The following PTPRT variants were observed in gnomAD, a reference collection of about 807,000 sequenced individuals.
PTPRT encodes the protein protein tyrosine phosphatase receptor type T.
In PTPRT, 56 loss-of-function variants were observed where a neutral mutation model predicts 176.8. The ratio of observed to expected loss-of-function variants is 0.32; its 90% confidence interval spans 0.26 to 0.40. The LOEUF (loss-of-function observed/expected upper bound fraction) is 0.40. Among genes scored for constraint, PTPRT ranks in the 10% least tolerant of loss-of-function variants. The pLI is 1.00. For synonymous variants in PTPRT, 783 were observed against 739.0 expected (o/e 1.06, Z -0.96); for missense variants, 1,540 against 1,908.2 (o/e 0.81, Z 3.60).
chr20:43,166,981 T>C (rs1262325653), intron 1 of PTPRT, among the ~76,000 whole-genome samples: 1 of 152,192 alleles, frequency 6.6e-6, no homozygotes. Context: ...GTCAAGAGCC[T>C]GACTTGACCT....
chr20:42,413,398 T>C (rs2059035291), intron 9 of PTPRT, among the ~76,000 whole-genome samples: 1 of 152,178 alleles, frequency 6.6e-6, no homozygotes, highest in South Asian at 2.1e-4. Flanking sequence ...GAAATGGTAC[T>C]AGGACATAAA....
chr20:42,242,511 T>C (rs922225749), intron 14 of PTPRT, among the ~76,000 whole-genome samples: 2 of 152,196 alleles, frequency 1.3e-5, no homozygotes, highest in East Asian at 1.9e-4. Flanking sequence ...GAAGAGATTC[T>C]GTCCAGATCA....
chr20:42,407,447 A>G (rs1224344986), intron 9 of PTPRT, among the ~76,000 whole-genome samples: 1 of 152,234 alleles, frequency 6.6e-6, no homozygotes, highest in African/African-American at 2.4e-5. Context: ...ATGCCAGGAT[A>G]CATTTGATAA....
intron 11 of PTPRT, among the ~76,000 whole-genome samples, chr20:42,340,717 G>C (rs1437148705): frequency 6.6e-6 from 1 of 152,200 alleles, no homozygotes; most frequent in Non-Finnish European, 1.5e-5. Flanking sequence ...TTGAAAGTCT[G>C]ACCTTTGGGC....
At chr20:42,682,158 G>A (rs138762019) in intron 6 of PTPRT, among the ~76,000 whole-genome samples, 93 of 152,210 alleles carry the variant, frequency 6.1e-4, no homozygotes, top group Non-Finnish European at 1.0e-3. Flanking sequence ...CCTGAAAGAA[G>A]GCATAAGAAA....
At chr20:42,540,196 T>A (rs2072553078) in intron 7 of PTPRT, among the ~76,000 whole-genome samples, 1 of 152,166 alleles carries the variant, frequency 6.6e-6, no homozygotes, top group South Asian at 2.1e-4. Flanking sequence ...TCAGAATGGC[T>A]TTAGCTTTCT....
chr20:42,518,432 T>G (rs187745159), intron 7 of PTPRT, among the ~76,000 whole-genome samples: 14 of 152,256 alleles, frequency 9.2e-5, no homozygotes, highest in African/African-American at 2.9e-4. Flanking sequence ...AAGATTTTAC[T>G]GTCTGGATTT....
intron 17 of PTPRT, among the ~76,000 whole-genome samples, chr20:42,146,165 C>A (rs146713617): frequency 6.6e-6 from 1 of 152,200 alleles, no homozygotes; most frequent in Non-Finnish European, 1.5e-5. Context: ...CCAGGTAACT[C>A]CATCTCCTCC....
intron 1 of PTPRT, among the ~76,000 whole-genome samples, chr20:43,011,813 C>T (rs923715933): frequency 9.9e-5 from 15 of 152,166 alleles, no homozygotes; most frequent in African/African-American, 1.7e-4. Flanking sequence ...ACCCTCAATC[C>T]GGGTGGGCAC....
rs565428512 is a variant in PTPRT at position 42,701,934 on chromosome 20, A to T, written c.860-23775T>A. Among the ~76,000 whole-genome samples, 9 of 152,236 alleles carry T rather than the reference A, an allele frequency of 5.9e-5. No individual in the cohort carries two copies. The South Asian group carries it at 1.2e-3, about 21-fold the overall frequency. On this transcript the variant is annotated intron_variant, in intron 6 of 30. Transcript: ENST00000373187. The stretch of plus-strand genomic sequence containing the variant: ...GATACGAGCACTGAGATTCAGAGAG[A>T]TATACGCAAGGCCATAGAGGTATCA...
intron 7 of PTPRT, among the ~76,000 whole-genome samples, chr20:42,474,163 C>G (rs2071246831): frequency 6.6e-6 from 1 of 152,078 alleles, no homozygotes; most frequent in Non-Finnish European, 1.5e-5. Context: ...GCTGTGTCTA[C>G]CTTGAATGCC....
intron 13 of PTPRT, among the ~76,000 whole-genome samples, chr20:42,262,445 C>T (rs570106032): frequency 7.2e-5 from 11 of 152,308 alleles, no homozygotes; most frequent in African/African-American, 2.4e-4. Context: ...CTCAGCAAGA[C>T]CAGCTCCAGC....
chr20:42,220,602 TA>T (rs1419520580), intron 15 of PTPRT, among the ~76,000 whole-genome samples: 2 of 152,120 alleles, frequency 1.3e-5, no homozygotes, highest in Non-Finnish European at 2.9e-5. Flanking sequence ...AAAAAGCCTC[TA>T]AACCGCACAT....
chr20:43,104,095 A>T (rs940738844), intron 1 of PTPRT, among the ~76,000 whole-genome samples: 2 of 152,216 alleles, frequency 1.3e-5, no homozygotes, highest in Non-Finnish European at 2.9e-5. Flanking sequence ...AAGAAAGATG[A>T]TCATTACTTC....
chr20:42,835,593 C>T (rs973407187), intron 2 of PTPRT, among the ~76,000 whole-genome samples: 13 of 152,112 alleles, frequency 8.5e-5, no homozygotes, highest in African/African-American at 2.9e-4. Context: ...TCACTCAAGG[C>T]TTTGTAGCAT....
intron 26 of PTPRT, among the ~76,000 whole-genome samples, chr20:42,100,410 G>A (rs982263737): frequency 6.6e-6 from 1 of 152,228 alleles, no homozygotes; most frequent in African/African-American, 2.4e-5. Flanking sequence ...ATAATGCACT[G>A]ACTGGGCTGG....
At chr20:43,145,527 A>G (rs1371972067) in intron 1 of PTPRT, among the ~76,000 whole-genome samples, 2 of 152,200 alleles carry the variant, frequency 1.3e-5, no homozygotes, top group Non-Finnish European at 2.9e-5. Context: ...ACCATCTCAT[A>G]CCCAAGCAAT....
chr20:42,656,224 A>G (rs2075122762), intron 7 of PTPRT, among the ~76,000 whole-genome samples: 1 of 152,162 alleles, frequency 6.6e-6, no homozygotes, highest in Non-Finnish European at 1.5e-5. Context: ...GAGGCAAGAT[A>G]GGAAAGCCCT....
rs565251495 is a variant in PTPRT at position 42,382,132 on chromosome 20, G to T, written c.1561-29847C>A. Among the ~76,000 whole-genome samples the T allele has an allele frequency of 3.3e-5, 5 of 152,266 alleles. 1 individual carries two copies. Among genetic ancestry groups the T allele is most frequent in the Admixed American group, 2.6e-4 (4 of 15,294 alleles). On this transcript the variant is annotated intron_variant, in intron 9 of 30. Coordinates refer to ENST00000373187, the MANE Select transcript of PTPRT (RefSeq NM_007050.6). ...CTTTGCACCCCATTTACATTAATTA[G>T]AAAGTTCCATATTAAGGAAAGCTTT...
Sources: gnomAD v4.1 joint callset for allele counts (sites outside exome capture counted in the v4.1 genomes callset) on GRCh38, gnomAD v4.1.1 for gene constraint, MANE v1.5 for transcripts, NCBI Gene and HGNC (gene_info 2026-07-23, HGNC 2026-07-21) for gene names.